Variants in ZNF569 observed in about 807,000 individuals in gnomAD.
ZNF569 encodes DNA-binding protein.
ZNF569 carries 38 observed loss-of-function variants against 56.3 expected under a neutral mutation model. The observed-to-expected ratio is 0.68, with a 90% CI of 0.52 to 0.88. ZNF569 has a LOEUF of 0.88. ZNF569 is among the 40% of genes least tolerant of loss of function. ZNF569 has a pLI of 0.00. For synonymous variants in ZNF569, 241 were observed against 262.9 expected, an observed-to-expected ratio of 0.92 and a Z score of 0.81; for missense variants, 666 against 809.2, an observed-to-expected ratio of 0.82 and a Z score of 2.15.
intron 2 of ZNF569, among the ~76,000 whole-genome samples, chr19:37,453,261 G>C (rs1160927709): frequency 6.6e-6 from 1 of 152,126 alleles, no homozygotes; most frequent in Non-Finnish European, 1.5e-5. Context: ...AGGGTATCCT[G>C]AATCTCCCTA....
chr19:37,464,599 G>A (rs565463524), intron 2 of ZNF569, among the ~76,000 whole-genome samples: 18 of 152,284 alleles, frequency 1.2e-4, no homozygotes, highest in African/African-American at 3.6e-4. Flanking sequence ...GTAACATGCT[G>A]TACAGGTTTG....
At position 37,412,101 on chromosome 19, in the gene ZNF569, A is replaced by G. The variant is rs1432696903; in HGVS notation, c.*496T>C. 1 of 152,296 alleles carries G rather than the reference A, an allele frequency of 6.6e-6. No homozygotes were observed. Among genetic ancestry groups the G allele is most frequent in the Non-Finnish European group, 1.5e-5 (1 of 68,092 alleles). The allele number at this position is 152,296 out of a possible 1,614,324, so 9.4% of individuals were successfully genotyped here. ...TTGGGAGAGAAATTATATTTTTACA[A>G]TGTCAAGTCTTTTCAGACAAAATAT... is the stretch of plus-strand genomic sequence containing the variant. On this transcript the variant is annotated 3_prime_UTR_variant, in exon 6 of 6. Transcript: ENST00000316950.
chr19:37,425,054 G>A (rs2041103443), intron 5 of ZNF569, among the ~76,000 whole-genome samples: 1 of 151,824 alleles, frequency 6.6e-6, no homozygotes, highest in Non-Finnish European at 1.5e-5. Flanking sequence ...GGGAGGTGGG[G>A]GTTGCAGTGA....
rs542970439 is a variant in ZNF569, at chr19:37,456,119, G to C, written c.-44+9194C>G. ...AATGTGACTTCACTTTGTGGCTCCA[G>C]TGACTTCTAGTGTTGCTGTACATTG... On this transcript the variant is annotated intron_variant, in intron 2 of 5. Coordinates refer to ENST00000316950, the MANE Select transcript of ZNF569 (RefSeq NM_152484.3). Among the ~76,000 whole-genome samples the C allele has an allele frequency of 2.6e-4, 39 of 152,296 alleles. 1 individual carries two copies. The South Asian group carries it at 7.9e-3, about 31-fold the overall frequency.
rs1274871599 is a variant in ZNF569, at chr19:37,438,381, G to C, written c.15+6526C>G. ...AGCCTGAGCAAGAGAGCAAGATCCT[G>C]TCACAAACAGCGACAACAAAGAATA... is the stretch of plus-strand genomic sequence containing the variant. On this transcript the variant is annotated intron_variant, in intron 3 of 5. Transcript: ENST00000316950. Among the ~76,000 whole-genome samples the C allele has an allele frequency of 2.0e-5, 3 of 152,270 alleles. No homozygotes were observed. In the East Asian group the frequency reaches 5.8e-4, roughly 29 times the overall value.
rs755253040 is a variant in ZNF569 at position 37,412,788 on chromosome 19, G to C, written c.1870C>G (p.His624Asp). 6.2e-7 allele frequency: 1 copy of C among 1,614,028 alleles called. No homozygotes were observed. The highest frequency in any genetic ancestry group is 8.5e-7 in the Non-Finnish European group (1 of 1,179,942). The change falls in exon 6 of 6, where the codon CAT (histidine) becomes GAT (aspartate). Residue 624 changes from histidine (H) to aspartate (D), a missense_variant. Physicochemically the swap from His to Asp is moderately conservative, Grantham distance 81. Transcript: ENST00000316950. ...AFSQSSSLTI[H>D]IRGHTGEKPF... ...TTCTCACCTGTATGTCCTCGTATAT[G>C]TATAGTAAGGGATGAGCTTTGGGAG...
At chr19:37,422,105 C>G (rs1259472873) in intron 5 of ZNF569, among the ~76,000 whole-genome samples, 1 of 152,132 alleles carries the variant, frequency 6.6e-6, no homozygotes, top group East Asian at 1.9e-4. Context: ...TTGGCAAACA[C>G]AAAAGGCTTT....
rs778943118 is a variant in ZNF569, at chr19:37,413,861, C to T, written c.797G>A (p.Gly266Glu). 5 of 1,613,350 alleles carry T rather than the reference C, an allele frequency of 3.1e-6. No homozygotes were observed. The highest frequency in any genetic ancestry group is 4.2e-6 in the Non-Finnish European group (5 of 1,179,924). ...NLIRHQRIHT[G>E]EKPYACKECE... The stretch of plus-strand genomic sequence containing the variant: ...TTCCTTACATGCATAGGGCTTCTCT[C>T]CAGTATGAATTCTTTGATGTCTAAT... The change falls in exon 6 of 6, where the codon GGA (glycine) becomes GAA (glutamate). Residue 266 changes from glycine (G) to glutamate (E), a missense_variant. Gly to Glu is a moderately conservative substitution (Grantham distance 98, BLOSUM62 -2). Coordinates refer to ENST00000316950, the MANE Select transcript of ZNF569 (RefSeq NM_152484.3).
chr19:37,446,376 C>T (rs911266644), intron 2 of ZNF569, among the ~76,000 whole-genome samples: 5 of 151,798 alleles, frequency 3.3e-5, no homozygotes, highest in Admixed American at 6.6e-5. Context: ...AGTGAAACCC[C>T]GTCTCTACTA....
At chr19:37,427,863 G>A in intron 3 of ZNF569, 1 of 506,996 alleles carries the variant, frequency 2.0e-6, no homozygotes, top group Non-Finnish European at 3.9e-6. Flanking sequence ...GAGAAAGCAT[G>A]ATGTGGAAAT....
intron 2 of ZNF569, among the ~76,000 whole-genome samples, chr19:37,445,633 G>A (rs932639026): frequency 2.0e-5 from 3 of 152,126 alleles, no homozygotes; most frequent in African/African-American, 7.2e-5. Context: ...CAAATCAGTA[G>A]CCCTGCTATA....
At chr19:37,465,539 AAATGCTTGACTTCAATAAGTAATGAAAC>A (rs1234121964) in intron 1 of ZNF569, 66 bp from the exon 2 acceptor site, 3 of 152,242 alleles carry the variant, frequency 2.0e-5, no homozygotes, top group Non-Finnish European at 4.4e-5. Context: ...AGATTTTTTT[AAATGCTTGACTTCAATAAGTAATGAAAC>A]AATTGTTTTA....
At chr19:37,424,867 T>G (rs1369281384) in intron 5 of ZNF569, among the ~76,000 whole-genome samples, 1 of 136,278 alleles carries the variant, frequency 7.3e-6, no homozygotes, top group Non-Finnish European at 1.6e-5. Flanking sequence ...ATGCCTGTAA[T>G]CCCAACACTT....
chr19:37,452,657 C>T (rs2041613736), intron 2 of ZNF569, among the ~76,000 whole-genome samples: 2 of 152,116 alleles, frequency 1.3e-5, no homozygotes, highest in Admixed American at 6.5e-5. Context: ...TTCTCGCCTG[C>T]AAAGTTTCTG....
intron 3 of ZNF569, among the ~76,000 whole-genome samples, chr19:37,443,885 G>C (rs1317225092): frequency 2.6e-5 from 4 of 151,914 alleles, no homozygotes; most frequent in Non-Finnish European, 5.9e-5. Context: ...AGGCGTGCTG[G>C]TGGGTGCCTA....
At position 37,451,179 on chromosome 19, in the gene ZNF569, C is replaced by T. The variant is rs113157906; in HGVS notation, c.-43-6215G>A. The stretch of plus-strand genomic sequence containing the variant: ...CTTTGGGAGGCTGAGGCAGGCAGAT[C>T]ACCTGAGGTCAGGAGTTCGAGACCA... On this transcript the variant is annotated intron_variant, in intron 2 of 5. Coordinates refer to ENST00000316950, the MANE Select transcript of ZNF569 (RefSeq NM_152484.3). Among the ~76,000 whole-genome samples, 1,066 of 152,116 alleles carry T rather than the reference C, an allele frequency of 7.0e-3. 13 individuals carry two copies. The highest frequency in any genetic ancestry group is 0.024 in the African/African-American group (995 of 41,518).
chr19:37,414,104 GGGGTAATGACAAAAT>G lies in ZNF569; in HGVS notation c.539_553del (p.His180_Thr184del), dbSNP rs1568713250. On this transcript the variant is annotated inframe_deletion, in exon 6 of 6. Transcript: ENST00000316950. Reference sequence around the variant, plus strand: ...TTTTCCACAATGATTACACTTAAAGGGGGTAATGACAAAATGGGATGAGCTATTACCATATGATTT... The same window carrying G: ...TTTTCCACAATGATTACACTTAAAGGGGGATGAGCTATTACCATATGATTT... 6.2e-7 allele frequency: 1 copy of G among 1,613,760 alleles called. No individual in the cohort carries two copies. The highest frequency in any genetic ancestry group is 1.7e-5 in the Admixed American group (1 of 60,004).
chr19:37,415,085 C>T (rs1021653051), intron 5 of ZNF569, among the ~76,000 whole-genome samples: 1 of 151,936 alleles, frequency 6.6e-6, no homozygotes, highest in African/African-American at 2.4e-5. Flanking sequence ...AAAGATGACA[C>T]ACCAAAAAAG....
chr19:37,455,604 A>G (rs2041659355), intron 2 of ZNF569, among the ~76,000 whole-genome samples: 1 of 152,206 alleles, frequency 6.6e-6, no homozygotes, highest in Admixed American at 6.5e-5. Flanking sequence ...AGCATCTCTC[A>G]AGGCAGAAAT....
Sources: allele counts gnomAD v4.1 joint callset (sites outside exome capture counted in the v4.1 genomes callset), GRCh38; gene constraint gnomAD v4.1.1; transcripts MANE v1.5; gene names NCBI Gene and HGNC (gene_info 2026-07-23, HGNC 2026-07-21).